The following NFE2 variants were observed in gnomAD, a reference collection of about 807,000 sequenced individuals.
The protein encoded by NFE2 is transcription factor NF-E2 45 kDa subunit.
Under a neutral mutation model 25.8 loss-of-function variants are expected in NFE2, and 13 were observed. The ratio of observed to expected loss-of-function variants is 0.50; its 90% CI spans 0.33 to 0.80. The LOEUF (loss-of-function observed/expected upper bound fraction) is 0.80. NFE2 is among the 30% of genes least tolerant of loss of function. The pLI, the probability that NFE2 is intolerant of heterozygous loss-of-function variation, is 0.02. For missense variants in NFE2, 382 were observed against 478.9 expected (o/e 0.80, Z 1.89); for synonymous variants, 204 against 200.2 (o/e 1.02, Z -0.16).
At chr12:54,298,507 C>CAAAAAA (rs1180692795) in intron 1 of NFE2, among the ~76,000 whole-genome samples, 29 of 35,412 alleles carry the variant, frequency 8.2e-4, no homozygotes, top group Non-Finnish European at 1.1e-3. Flanking sequence ...AACTCCACAT[C>CAAAAAA]AAAAAAAAAA....
rs1435765442 is a variant in NFE2 at position 54,292,805 on chromosome 12, A to G, written c.691T>C (p.Leu231=). 6.2e-7 allele frequency: 1 copy of G among 1,614,192 alleles called. No individual in the cohort carries two copies. Among genetic ancestry groups the G allele is most frequent in the East Asian group, 2.2e-5 (1 of 44,876 alleles). ...GTAGGAAAAGGAATCTTCATGGCCAAGGCCCGACGTTCATCCCGACTCCCT... is the reference window on the plus strand; with the variant it reads ...GTAGGAAAAGGAATCTTCATGGCCAGGGCCCGACGTTCATCCCGACTCCCT... ...EAGSRDERRA[L]AMKIPFPTDK... The change falls in exon 3 of 3, where the codon TTG becomes CTG. Residue 231 remains leucine, a synonymous_variant. Transcript: ENST00000435572.
Position 54,294,884 on chromosome 12 carries a change from T to C in NFE2, c.114+251A>G, listed in dbSNP as rs138736352. On this transcript the variant is annotated intron_variant, in intron 2 of 2. Coordinates refer to ENST00000435572, the MANE Select transcript of NFE2 (RefSeq NM_001136023.3). ...GCAGGAGGTGGGGTAGAGAGAGATG[T>C]GAGTCAAGTGGCTGCTGAGAGAGCC... is the stretch of plus-strand genomic sequence containing the variant. Among the ~76,000 whole-genome samples, 180 of 152,132 alleles carry C rather than the reference T, an allele frequency of 1.2e-3. 1 individual carries two copies. Among genetic ancestry groups the C allele is most frequent in the Admixed American group, 3.4e-3 (52 of 15,290 alleles).
chr12:54,292,256 T>G lies in NFE2; in HGVS notation c.*118A>C. ...TGGAACTTCCAAACACTTGTTGCCA[T>G]TGTCATCCTCTTCTGGTCTAGAGAA... On this transcript the variant is annotated 3_prime_UTR_variant, in exon 3 of 3. Transcript: ENST00000435572. The G allele has an allele frequency of 9.3e-7, 1 of 1,071,236 alleles. No individual in the cohort carries two copies. The highest frequency in any genetic ancestry group is 1.3e-6 in the Non-Finnish European group (1 of 748,522). The allele number at this position is 1,071,236 out of a possible 1,614,324, so 66.4% of individuals were successfully genotyped here.
chr12:54,292,154 G>A lies in NFE2; in HGVS notation c.*220C>T. ...TAGACCAAAGCTTAGACAAGGTGGA[G>A]GCTAAAGACCTGAGGAGCCGAGTCA... On this transcript the variant is annotated 3_prime_UTR_variant, in exon 3 of 3. Coordinates refer to ENST00000435572, the MANE Select transcript of NFE2 (RefSeq NM_001136023.3). The A allele has an allele frequency of 1.8e-6, 1 of 571,204 alleles. No homozygotes were observed. Among genetic ancestry groups the A allele is most frequent in the Non-Finnish European group, 3.1e-6 (1 of 321,960 alleles). The allele number at this position is 571,204 out of a possible 1,614,324, so 35.4% of individuals were successfully genotyped here.
At position 54,293,234 on chromosome 12, in the gene NFE2, A is replaced by C; in HGVS notation, c.262T>G (p.Ser88Ala). 1 of 1,610,320 alleles carries C rather than the reference A, an allele frequency of 6.2e-7. No homozygotes were observed. The highest frequency in any genetic ancestry group is 8.5e-7 in the Non-Finnish European group (1 of 1,178,150). ...GGGGGATCTGGGACATGGGATGTGG[A>C]TGCTGGGAGCTCATAAGGTGGTGGA... The part of the protein sequence containing the change: ...LPPPPYELPA[S>A]TSHVPDPPYS... The change falls in exon 3 of 3, where the codon TCC becomes GCC. Residue 88 changes from serine to alanine, a missense_variant. Physicochemically the swap from Ser to Ala is moderately conservative, Grantham distance 99 (BLOSUM62 1). Coordinates refer to ENST00000435572, the MANE Select transcript of NFE2 (RefSeq NM_001136023.3).
At position 54,292,404 on chromosome 12, in the gene NFE2, G is replaced by C; in HGVS notation, c.1092C>G (p.Pro364=). 6.2e-7 allele frequency: 1 copy of C among 1,613,984 alleles called. No homozygotes were observed. The highest frequency in any genetic ancestry group is 1.1e-5 in the South Asian group (1 of 91,088). Residue 364 remains proline, a synonymous_variant, in exon 3 of 3, where the codon CCC becomes CCG. Coordinates refer to ENST00000435572, the MANE Select transcript of NFE2 (RefSeq NM_001136023.3). Reference sequence around the variant, plus strand: ...CTGTGGCCTCCATCTTGGTCCCCCGGGGCACAAGGAAGATGGTCCCATCGG... The same window carrying C: ...CTGTGGCCTCCATCTTGGTCCCCCGCGGCACAAGGAAGATGGTCCCATCGG... The part of the protein sequence containing the change: ...QAADGTIFLV[P]RGTKMEATD
intron 1 of NFE2, among the ~76,000 whole-genome samples, chr12:54,296,367 G>A (rs913131641): frequency 9.7e-5 from 14 of 143,906 alleles, no homozygotes; most frequent in Admixed American, 2.9e-4. Context: ...CCGAGATCGC[G>A]CCACTGCACT....
chr12:54,296,374 C>T (rs945744350), intron 1 of NFE2, among the ~76,000 whole-genome samples: 6 of 145,352 alleles, frequency 4.1e-5, no homozygotes, highest in Non-Finnish European at 4.5e-5. Context: ...CGCGCCACTG[C>T]ACTCCAGCCT....
In NFE2 at chr12:54,295,238, C is replaced by A; in HGVS notation, c.11G>T (p.Cys4Phe). 6.2e-7 allele frequency: 1 copy of A among 1,614,012 alleles called. No homozygotes were observed. The highest frequency in any genetic ancestry group is 8.5e-7 in the Non-Finnish European group (1 of 1,179,908). Residue 4 changes from cysteine to phenylalanine, a missense_variant, in exon 2 of 3, where the codon TGT becomes TTT. Coordinates refer to ENST00000435572, the MANE Select transcript of NFE2 (RefSeq NM_001136023.3). MSP[C>F]PPQQSRNRVI... ...CCTGTTCCTGCTCTGCTGGGGAGGA[C>A]ACGGGGACATCCTACTGGGCCAGAG... is the stretch of plus-strand genomic sequence containing the variant.
At chr12:54,299,545 G>A (rs1022401148) in intron 1 of NFE2, among the ~76,000 whole-genome samples, 1 of 152,166 alleles carries the variant, frequency 6.6e-6, no homozygotes, top group South Asian at 2.1e-4. Context: ...TGTCACCAGG[G>A]ACTAAAGTCC....
At chr12:54,293,472 G>A (rs1347362904) in intron 2 of NFE2, 91 bp from the exon 3 acceptor site, 29 of 1,331,522 alleles carry the variant, frequency 2.2e-5, no homozygotes, top group South Asian at 4.5e-5. Flanking sequence ...TCTGAAAGTC[G>A]CAGTGAGGTA....
chr12:54,295,530 CAGG>C lies in NFE2; in HGVS notation c.-56-229_-56-227del, dbSNP rs1313245760. 1.8e-5 allele frequency: 6 copies of C among 327,812 alleles called. No individual in the cohort carries two copies. The East Asian group carries it at 4.0e-4, about 22-fold the overall frequency. 20.3% of individuals were successfully genotyped at this position (327,812 alleles called of 1,614,324 possible). A position where few individuals can be genotyped will look rare whatever the true frequency, so the allele number is the denominator to read the frequency against. On this transcript the variant is annotated intron_variant, in intron 1 of 2. Coordinates refer to ENST00000435572, the MANE Select transcript of NFE2 (RefSeq NM_001136023.3). ...GCCACAGTCAGTTCCTTTGGTAGCA[CAGG>C]AGGTCTTTACCTTTTTTCCAGGCAA...
At chr12:54,299,758 G>C (rs1944406014) in intron 1 of NFE2, among the ~76,000 whole-genome samples, 1 of 152,124 alleles carries the variant, frequency 6.6e-6, no homozygotes, top group Admixed American at 6.5e-5. Context: ...AACGATGAGA[G>C]GGGGCTTGCC....
rs780812737 is a variant in NFE2, at chr12:54,295,172, A to G, written c.77T>C (p.Leu26Pro). 3 of 1,614,076 alleles carry G rather than the reference A, an allele frequency of 1.9e-6. No individual in the cohort carries two copies. In the East Asian group the frequency reaches 6.7e-5, roughly 36 times the overall value. ...GATGGACATGATCTCCTGCCAAGTC[A>G]GTTCCATCTCTCCTAGCTCTGAAGT... ...LSTSELGEME[L>P]TWQEIMSITE... Residue 26 changes from leucine (L) to proline (P), a missense_variant, in exon 2 of 3, where the codon CTG becomes CCG. Transcript: ENST00000435572.
rs34357477 is a variant in NFE2 at position 54,292,370 on chromosome 12, C to T, written c.*4G>A. On this transcript the variant is annotated 3_prime_UTR_variant, in exon 3 of 3. Transcript: ENST00000435572. ...CATCAGCAGTTCCACCCCTCTGGGC[C>T]AGCTCAGTCTGTGGCCTCCATCTTG... is the stretch of plus-strand genomic sequence containing the variant. 6.0e-4 allele frequency: 968 copies of T among 1,612,294 alleles called. 9 individuals are homozygous for T. In the African/African-American group the frequency reaches 0.011, roughly 18 times the overall value.
Position 54,292,152 on chromosome 12 carries a change from G to A in NFE2, c.*222C>T. ...TATAGACCAAAGCTTAGACAAGGTG[G>A]AGGCTAAAGACCTGAGGAGCCGAGT... On this transcript the variant is annotated 3_prime_UTR_variant, in exon 3 of 3. Transcript: ENST00000435572. 1.8e-6 allele frequency: 1 copy of A among 566,740 alleles called. No individual in the cohort carries two copies. The highest frequency in any genetic ancestry group is 3.1e-6 in the Non-Finnish European group (1 of 319,032). 35.1% of individuals were successfully genotyped at this position (566,740 alleles called of 1,614,324 possible).
chr12:54,293,243 G>A lies in NFE2; in HGVS notation c.253C>T (p.Leu85Phe). Residue 85 changes from leucine (L) to phenylalanine (F), a missense_variant, in exon 3 of 3, where the codon CTC (leucine) becomes TTC (phenylalanine). Leu to Phe is a conservative substitution (Grantham distance 22). Transcript: ENST00000435572. ...GFPLPPPPYE[L>F]PASTSHVPDP... ...GGGACATGGGATGTGGATGCTGGGA[G>A]CTCATAAGGTGGTGGAGGAAGTGGG... 6.2e-7 allele frequency: 1 copy of A among 1,611,678 alleles called. No homozygotes were observed. The highest frequency in any genetic ancestry group is 8.5e-7 in the Non-Finnish European group (1 of 1,178,870).
Position 54,293,453 on chromosome 12 carries a change from C to A in NFE2, c.115-72G>T. Reference sequence around the variant, plus strand: ...AAACCAACACTCTCTCAGGAACAAGCTGGATTCTTCTGAAAGTCGCAGTGA... The same window carrying A: ...AAACCAACACTCTCTCAGGAACAAGATGGATTCTTCTGAAAGTCGCAGTGA... On this transcript the variant is annotated intron_variant, in intron 2 of 2. Coordinates refer to ENST00000435572, the MANE Select transcript of NFE2 (RefSeq NM_001136023.3). 4 of 1,365,668 alleles carry A rather than the reference C, an allele frequency of 2.9e-6. No individual in the cohort carries two copies. In the South Asian group the frequency reaches 9.0e-5, roughly 31 times the overall value. 84.6% of individuals were successfully genotyped at this position (1,365,668 alleles called of 1,614,324 possible).
chr12:54,295,438 T>C, intron 1 of NFE2, 134 bp from the exon 2 acceptor site: 1 of 563,170 alleles, frequency 1.8e-6, no homozygotes, highest in Non-Finnish European at 3.2e-6. Flanking sequence ...TCACTCATGC[T>C]GGATTCATCA....
Sources: allele counts gnomAD v4.1 joint callset (sites outside exome capture counted in the v4.1 genomes callset), GRCh38; gene constraint gnomAD v4.1.1; transcripts MANE v1.5; gene names NCBI Gene and HGNC (gene_info 2026-07-23, HGNC 2026-07-21).